Variants in ADAT2 observed in about 807,000 individuals in gnomAD.
The protein encoded by ADAT2 is adenosine deaminase tRNA specific 2, also known as tRNA-specific adenosine-34 deaminase catalytic subunit ADAT2.
A neutral mutation model predicts 25.9 loss-of-function variants in ADAT2; 26 were observed. The observed-to-expected ratio is 1.00, with a 90% CI of 0.74 to 1.39. The LOEUF is 1.39. Among genes scored for constraint, ADAT2 ranks in the 40% most tolerant of loss-of-function variants. ADAT2 has a pLI of 0.00. For missense variants in ADAT2, 220 were observed against 244.8 expected, an observed-to-expected ratio of 0.90 and a Z score of 0.68; for synonymous variants, 76 against 86.8, an observed-to-expected ratio of 0.88 and a Z score of 0.69.
Position 143,432,712 on chromosome 6 carries a change from A to C in ADAT2, c.353-101T>G. The C allele has an allele frequency of 3.7e-6, 4 of 1,078,506 alleles. No homozygotes were observed. The highest frequency in any genetic ancestry group is 5.6e-6 in the Non-Finnish European group (4 of 709,230). The allele number at this position is 1,078,506 out of a possible 1,614,324, so 66.8% of individuals were successfully genotyped here. On this transcript the variant is annotated intron_variant, in intron 3 of 5. Coordinates refer to ENST00000237283, the MANE Select transcript of ADAT2 (RefSeq NM_182503.3). This position sits in a 1 kb window ranked among gnomAD's most constrained non-coding sequence, Gnocchi z 4.4. ...CCAGCCATCCTGGAGAGGAACGCTC[A>C]TGCTACTCTTCAAACCAGTGAAGCT...
intron 1 of ADAT2, among the ~76,000 whole-genome samples, chr6:143,447,162 C>T (rs550643906): frequency 2.8e-4 from 43 of 152,152 alleles, no homozygotes; most frequent in Admixed American, 4.6e-4. Flanking sequence ...ATACGGTAGC[C>T]AGTGGTTATA....
rs1475647701 is a variant in ADAT2 at position 143,424,619 on chromosome 6, A to G, written c.*3844T>C. The G allele has an allele frequency of 6.6e-6, 1 of 152,196 alleles. No individual in the cohort carries two copies. Among genetic ancestry groups the G allele is most frequent in the Non-Finnish European group, 1.5e-5 (1 of 68,034 alleles). 9.4% of individuals were successfully genotyped at this position (152,196 alleles called of 1,614,324 possible). ...TCCAAAACCCTATCTTATCAGGCAT[A>G]ATGAAATTTATATAATTATTACTTT... On this transcript the variant is annotated 3_prime_UTR_variant, in exon 6 of 6. Coordinates refer to ENST00000237283, the MANE Select transcript of ADAT2 (RefSeq NM_182503.3). The surrounding 1 kb of genome is among the most constrained non-coding windows in gnomAD (Gnocchi z 4.8).
At chr6:143,445,684 T>TA (rs1308657737) in intron 1 of ADAT2, among the ~76,000 whole-genome samples, 7 of 152,170 alleles carry the variant, frequency 4.6e-5, no homozygotes, top group African/African-American at 1.7e-4. Flanking sequence ...GTGCCTGACT[T>TA]AATTTCATCA....
intron 1 of ADAT2, among the ~76,000 whole-genome samples, chr6:143,443,342 C>T (rs866541882): frequency 5.3e-5 from 8 of 152,064 alleles, no homozygotes; most frequent in Non-Finnish European, 1.2e-4. Context: ...GACACTTCAC[C>T]GATCAGCTGC....
At position 143,438,683 on chromosome 6, in the gene ADAT2, G is replaced by T. The variant is rs1779367124; in HGVS notation, c.108C>A (p.Ala36=). 6.2e-7 allele frequency: 1 copy of T among 1,613,040 alleles called. No individual in the cohort carries two copies. Among genetic ancestry groups the T allele is most frequent in the Non-Finnish European group, 8.5e-7 (1 of 1,179,298 alleles). The stretch of plus-strand genomic sequence containing the variant: ...CAACAGGAACTTCAGTATTTTCGAG[G>T]GCTTCTTTGGCCTGAAACACAAAGT... ...MEEAMHMAKE[A]LENTEVPVGC... Residue 36 remains alanine, a synonymous_variant, in exon 2 of 6, where the codon GCC becomes GCA. Transcript: ENST00000237283.
chr6:143,445,276 C>A (rs1259826262), intron 1 of ADAT2, among the ~76,000 whole-genome samples: 1 of 151,930 alleles, frequency 6.6e-6, no homozygotes, highest in Non-Finnish European at 1.5e-5. Flanking sequence ...AGGTTATTAA[C>A]CTTTTCAGAG....
intron 3 of ADAT2, among the ~76,000 whole-genome samples, chr6:143,433,575 T>C (rs1414728560): frequency 2.0e-5 from 3 of 152,262 alleles, no homozygotes; most frequent in Non-Finnish European, 2.9e-5. Flanking sequence ...TTTACCTTTA[T>C]ATAACTGTTT....
chr6:143,450,538 A>T, intron 1 of ADAT2, 25 bp downstream of exon 1: 1 of 1,613,034 alleles, frequency 6.2e-7, no homozygotes, highest in South Asian at 1.1e-5. Context: ...CCCACCCCGC[A>T]GCATCTACCT....
At chr6:143,445,155 T>C (rs144971432) in intron 1 of ADAT2, among the ~76,000 whole-genome samples, 82 of 151,926 alleles carry the variant, frequency 5.4e-4, no homozygotes, top group African/African-American at 1.5e-3. Context: ...AAAGTGATAA[T>C]GTTTTTATTC....
At position 143,434,986 on chromosome 6, in the gene ADAT2, T is replaced by C. The variant is rs547783835; in HGVS notation, c.202-1005A>G. Among the ~76,000 whole-genome samples the C allele has an allele frequency of 2.0e-5, 3 of 152,026 alleles. No individual in the cohort carries two copies. The highest frequency in any genetic ancestry group is 7.2e-5 in the African/African-American group (3 of 41,480). On this transcript the variant is annotated intron_variant, in intron 2 of 5. Coordinates refer to ENST00000237283, the MANE Select transcript of ADAT2 (RefSeq NM_182503.3). The surrounding 1 kb of genome is among the most constrained non-coding windows in gnomAD (Gnocchi z 4.5). ...TTTACCTGTGAGATAGGGCAGGGTATGAAAAGTGCTAGCACAGTGGCCCAA... is the reference window on the plus strand; with the variant it reads ...TTTACCTGTGAGATAGGGCAGGGTACGAAAAGTGCTAGCACAGTGGCCCAA...
At position 143,426,133 on chromosome 6, in the gene ADAT2, T is replaced by C. The variant is rs1061220; in HGVS notation, c.*2330A>G. 0.55 allele frequency: 83,410 copies of C among 152,028 alleles called. 23,555 individuals are homozygous for C. The highest frequency in any genetic ancestry group is 0.64 in the African/African-American group (26,584 of 41,444). The allele number at this position is 152,028 out of a possible 1,614,324, so 9.4% of individuals were successfully genotyped here. On this transcript the variant is annotated 3_prime_UTR_variant, in exon 6 of 6. Transcript: ENST00000237283. This position sits in a 1 kb window ranked among gnomAD's most constrained non-coding sequence, Gnocchi z 4.1. ...TATCTCACCACTTTCAGAACTATTT[T>C]GTACACAAAACAAGTCTTTCAGCTG...
chr6:143,449,565 G>C (rs1486249184), intron 1 of ADAT2, among the ~76,000 whole-genome samples: 2 of 152,130 alleles, frequency 1.3e-5, no homozygotes, highest in African/African-American at 4.8e-5. Context: ...AAAAGTACTT[G>C]TTAGGAGGGC....
In ADAT2 at chr6:143,425,005, T is replaced by C. The variant is rs1778887480; in HGVS notation, c.*3458A>G. 1 of 152,184 alleles carries C rather than the reference T, an allele frequency of 6.6e-6. No individual in the cohort carries two copies. The highest frequency in any genetic ancestry group is 6.5e-5 in the Admixed American group (1 of 15,284). The allele number at this position is 152,184 out of a possible 1,614,324, so 9.4% of individuals were successfully genotyped here. On this transcript the variant is annotated 3_prime_UTR_variant, in exon 6 of 6. Coordinates refer to ENST00000237283, the MANE Select transcript of ADAT2 (RefSeq NM_182503.3). Reference sequence around the variant, plus strand: ...TGACATCACCTTGGTGTGACGGCCTTTGTGTGCCTCCAGATGTGATATCCT... The same window carrying C: ...TGACATCACCTTGGTGTGACGGCCTCTGTGTGCCTCCAGATGTGATATCCT...
Position 143,442,670 on chromosome 6 carries a change from T to C in ADAT2, c.97-3976A>G, listed in dbSNP as rs533489761. On this transcript the variant is annotated intron_variant, in intron 1 of 5. Coordinates refer to ENST00000237283, the MANE Select transcript of ADAT2 (RefSeq NM_182503.3). The surrounding 1 kb of genome is among the most constrained non-coding windows in gnomAD (Gnocchi z 4.6). ...ATTATTATTGTAATTTCTTGTGAAC[T>C]TATAATTATTTCAAAATGAAAGTTA... 3.9e-5 allele frequency among the ~76,000 whole-genome samples: 6 copies of C among 152,212 alleles called. No individual in the cohort carries two copies. The highest frequency in any genetic ancestry group is 8.8e-5 in the Non-Finnish European group (6 of 68,038).
intron 1 of ADAT2, among the ~76,000 whole-genome samples, chr6:143,443,065 CA>C (rs1223341234): frequency 1.3e-5 from 2 of 152,116 alleles, no homozygotes; most frequent in East Asian, 3.8e-4. Context: ...CTAATTTAAG[CA>C]TTTTATAAGT....
rs1562633396 is a variant in ADAT2 at position 143,426,351 on chromosome 6, A to G, written c.*2112T>C. ...GCAGAATTCCATAGAGCTAATGTCT[A>G]TGACACCCTCAGTGGTCCTGCCCTC... is the stretch of plus-strand genomic sequence containing the variant. On this transcript the variant is annotated 3_prime_UTR_variant, in exon 6 of 6. Coordinates refer to ENST00000237283, the MANE Select transcript of ADAT2 (RefSeq NM_182503.3). This position sits in a 1 kb window ranked among gnomAD's most constrained non-coding sequence, Gnocchi z 4.1. The G allele has an allele frequency of 6.6e-6, 1 of 152,252 alleles. No homozygotes were observed. The allele number at this position is 152,252 out of a possible 1,614,324, so 9.4% of individuals were successfully genotyped here.
rs9403492 is a variant in ADAT2, at chr6:143,434,809, T to C, written c.202-828A>G. On this transcript the variant is annotated intron_variant, in intron 2 of 5. Transcript: ENST00000237283. This position sits in a 1 kb window ranked among gnomAD's most constrained non-coding sequence, Gnocchi z 4.5. ...ATAGCTTAAAGTGAATCATAGATTCTATATGGAATAATTATTTATAATATT... is the reference window on the plus strand; with the variant it reads ...ATAGCTTAAAGTGAATCATAGATTCCATATGGAATAATTATTTATAATATT... Among the ~76,000 whole-genome samples the C allele has an allele frequency of 0.18, 28,012 of 152,160 alleles. 2,846 individuals are homozygous for C. The highest frequency in any genetic ancestry group is 0.21 in the Non-Finnish European group (14,519 of 68,002).
intron 1 of ADAT2, among the ~76,000 whole-genome samples, chr6:143,443,290 T>C (rs1306846356): frequency 2.6e-5 from 4 of 152,204 alleles, no homozygotes; most frequent in Non-Finnish European, 2.9e-5. Flanking sequence ...TCCAGGGCTC[T>C]CTGCCACTGT....
intron 1 of ADAT2, among the ~76,000 whole-genome samples, chr6:143,445,692 T>A (rs980482889): frequency 2.6e-5 from 4 of 152,158 alleles, no homozygotes; most frequent in Non-Finnish European, 5.9e-5. Flanking sequence ...CTTAATTTCA[T>A]CAATTAAACA....
Sources: gnomAD v4.1 joint callset for allele counts (sites outside exome capture counted in the v4.1 genomes callset) on GRCh38, gnomAD v4.1.1 for gene constraint, Gnocchi (gnomAD v3.1) non-coding constraint, MANE v1.5 for transcripts, NCBI Gene and HGNC (gene_info 2026-07-23, HGNC 2026-07-21) for gene names.